Variants in MDFIC observed in about 807,000 individuals in gnomAD.
The protein encoded by MDFIC is MyoD family inhibitor domain containing.
In MDFIC, 17 loss-of-function variants were observed where a neutral mutation model predicts 23.2. That is an observed-to-expected ratio of 0.73 (90% confidence interval 0.50 to 1.10). The LOEUF is 1.10. Among genes scored for constraint, MDFIC ranks in the 50% least tolerant of loss-of-function variants. The pLI is 0.00. For missense variants in MDFIC, 356 were observed against 316.6 expected, an observed-to-expected ratio of 1.12 and a Z score of -0.95; for synonymous variants, 120 against 115.2, an observed-to-expected ratio of 1.04 and a Z score of -0.27.
At chr7:114,952,035 TG>T (rs1792787134) in intron 3 of MDFIC, among the ~76,000 whole-genome samples, 2 of 152,360 alleles carry the variant, frequency 1.3e-5, no homozygotes, top group Admixed American at 1.3e-4. Flanking sequence ...CCCATGATGC[TG>T]GGCCTGGCTG....
intron 2 of MDFIC, among the ~76,000 whole-genome samples, chr7:114,941,877 C>T (rs192314801): frequency 3.3e-5 from 5 of 152,262 alleles, no homozygotes; most frequent in African/African-American, 7.2e-5. Flanking sequence ...GGCCGACTTT[C>T]GTCTCTACCA....
intron 2 of MDFIC, among the ~76,000 whole-genome samples, chr7:114,938,425 T>C (rs1585094479): frequency 6.6e-6 from 1 of 152,318 alleles, no homozygotes; most frequent in East Asian, 1.9e-4. Flanking sequence ...TTTTTTTAAA[T>C]ATAAATAGTT....
At chr7:114,989,268 C>G (rs905191827) in intron 4 of MDFIC, among the ~76,000 whole-genome samples, 2 of 152,246 alleles carry the variant, frequency 1.3e-5, no homozygotes, top group Admixed American at 6.5e-5. Context: ...AAAATGAGCA[C>G]TGAAATATTT....
At chr7:114,933,551 C>T (rs796125453) in intron 2 of MDFIC, among the ~76,000 whole-genome samples, 24 of 152,252 alleles carry the variant, frequency 1.6e-4, no homozygotes, top group African/African-American at 5.3e-4. Context: ...GCCACTGTGC[C>T]CAGCCTCCAT....
At chr7:114,961,098 T>G (rs1156480602) in intron 3 of MDFIC, among the ~76,000 whole-genome samples, 1 of 152,062 alleles carries the variant, frequency 6.6e-6, no homozygotes, top group Admixed American at 6.6e-5. Flanking sequence ...CCCTGCCTGC[T>G]CTGGGCACTA....
chr7:115,004,458 G>GA (rs928794072), intron 4 of MDFIC, among the ~76,000 whole-genome samples: 9 of 151,962 alleles, frequency 5.9e-5, no homozygotes, highest in African/African-American at 1.7e-4. Flanking sequence ...AAAGAGAAAA[G>GA]AAAAAAAGGA....
chr7:114,931,071 C>G (rs1257139019), intron 2 of MDFIC, among the ~76,000 whole-genome samples: 1 of 151,932 alleles, frequency 6.6e-6, no homozygotes, highest in Non-Finnish European at 1.5e-5. Context: ...TTTTCCTCCT[C>G]CCTCTCTCTC....
At chr7:114,967,837 T>C (rs1028037978) in intron 3 of MDFIC, among the ~76,000 whole-genome samples, 6 of 150,656 alleles carry the variant, frequency 4.0e-5, no homozygotes, top group South Asian at 2.1e-4. Context: ...TTTCTTTTTT[T>C]TTTTTTTTTT....
chr7:115,001,880 TA>T (rs1287284895), intron 4 of MDFIC, among the ~76,000 whole-genome samples: 1 of 152,196 alleles, frequency 6.6e-6, no homozygotes, highest in East Asian at 1.9e-4. Context: ...CTTACAACTG[TA>T]ATCCCAGCAC....
rs1215664856 is a variant in MDFIC, at chr7:115,018,751, CTTT to C, written c.*2817_*2819del. On this transcript the variant is annotated 3_prime_UTR_variant, in exon 5 of 5. Coordinates refer to ENST00000393486, the MANE Select transcript of MDFIC (RefSeq NM_001166345.3). ...TTTTGAAAATTTTTAAAAATGACTTCTTTATTTTGCTTTACCGTATGTTTATAT... is the reference window on the plus strand; with the variant it reads ...TTTTGAAAATTTTTAAAAATGACTTCATTTTGCTTTACCGTATGTTTATAT... The C allele has an allele frequency of 6.6e-6, 1 of 152,100 alleles. No homozygotes were observed. Among genetic ancestry groups the C allele is most frequent in the Non-Finnish European group, 1.5e-5 (1 of 67,800 alleles). 9.4% of individuals were successfully genotyped at this position (152,100 alleles called of 1,614,324 possible).
intron 3 of MDFIC, among the ~76,000 whole-genome samples, chr7:114,946,066 C>T (rs1792638261): frequency 6.6e-6 from 1 of 152,176 alleles, no homozygotes; most frequent in Admixed American, 6.5e-5. Flanking sequence ...GCGACACCAT[C>T]AATTAATATT....
rs1791757188 is a variant in MDFIC at position 115,014,641 on chromosome 7, C to A, written c.494-1047C>A. 8 of 723,948 alleles carry A rather than the reference C, an allele frequency of 1.1e-5. No individual in the cohort carries two copies. The South Asian group carries it at 1.2e-4, about 11-fold the overall frequency. The allele number at this position is 723,948 out of a possible 1,614,324, so 44.8% of individuals were successfully genotyped here. On this transcript the variant is annotated intron_variant, in intron 4 of 4. Transcript: ENST00000393486. ...AAAACAAAAAAACAAGGAACCCACA[C>A]AAAACAACCCAGAATTAATTCTGGT...
intron 3 of MDFIC, among the ~76,000 whole-genome samples, chr7:114,964,828 C>T (rs939663563): frequency 1.3e-5 from 2 of 152,148 alleles, no homozygotes; most frequent in African/African-American, 2.4e-5. Context: ...GGATTACAGG[C>T]GTTAGCCACC....
At chr7:114,969,184 C>T (rs564191498) in intron 3 of MDFIC, among the ~76,000 whole-genome samples, 1 of 152,264 alleles carries the variant, frequency 6.6e-6, no homozygotes, top group Non-Finnish European at 1.5e-5. Flanking sequence ...TTTCTTGAAT[C>T]CTTGCTACAC....
chr7:114,972,930 G>A (rs1002591556), intron 3 of MDFIC, among the ~76,000 whole-genome samples: 5 of 152,066 alleles, frequency 3.3e-5, no homozygotes, highest in Admixed American at 3.3e-4. Context: ...AAGGTCCACT[G>A]TAGCTGTGGA....
At chr7:114,979,820 G>A (rs755562734) in intron 4 of MDFIC, 39 bp downstream of exon 4, 1 of 1,588,498 alleles carries the variant, frequency 6.3e-7, no homozygotes, top group Admixed American at 1.7e-5. Flanking sequence ...TTGACCAGAT[G>A]TAAAATAATA....
intron 4 of MDFIC, among the ~76,000 whole-genome samples, chr7:114,999,116 T>C (rs1315022061): frequency 6.6e-6 from 1 of 152,100 alleles, no homozygotes; most frequent in Admixed American, 6.6e-5. Flanking sequence ...CCCCTCCCCT[T>C]ACCTGTTTCA....
intron 4 of MDFIC, among the ~76,000 whole-genome samples, chr7:114,983,563 C>CTTTTTT (rs11388500): frequency 1.8e-4 from 16 of 88,306 alleles, no homozygotes; most frequent in Non-Finnish European, 2.7e-4. Context: ...TCATCAGGTA[C>CTTTTTT]TTTTTTTTTT....
chr7:114,994,977 A>T (rs1791289878), intron 4 of MDFIC, among the ~76,000 whole-genome samples: 1 of 152,184 alleles, frequency 6.6e-6, no homozygotes, highest in South Asian at 2.1e-4. Context: ...TGTCACTTTC[A>T]GGTACACCAA....
Sources: allele counts gnomAD v4.1 joint callset (sites outside exome capture counted in the v4.1 genomes callset), GRCh38; gene constraint gnomAD v4.1.1; transcripts MANE v1.5; gene names NCBI Gene and HGNC (gene_info 2026-07-23, HGNC 2026-07-21).